Variants in CCDC25 observed in about 807,000 individuals in gnomAD.
CCDC25 encodes coiled-coil domain-containing protein 25.
Under a neutral mutation model 35.3 loss-of-function variants are expected in CCDC25, and 16 were observed. That is an observed-to-expected ratio of 0.45 (90% confidence interval 0.31 to 0.69). The LOEUF is 0.69. Ranked by LOEUF, CCDC25 falls within the 30% of genes least tolerant of loss-of-function variation. The pLI, the probability that CCDC25 is intolerant of heterozygous loss-of-function variation, is 0.06. For synonymous variants in CCDC25, 79 were observed against 80.3 expected, an observed-to-expected ratio of 0.98 and a Z score of 0.09; for missense variants, 179 against 250.7, an observed-to-expected ratio of 0.71 and a Z score of 1.93.
chr8:27,751,104 CTT>C (rs914009143), intron 5 of CCDC25, among the ~76,000 whole-genome samples: 19 of 152,212 alleles, frequency 1.2e-4, no homozygotes, highest in African/African-American at 4.3e-4. Context: ...CTTTGCTCCT[CTT>C]TGTTTTCTCT....
At position 27,736,411 on chromosome 8, in the gene CCDC25, C is replaced by CT. The variant is rs1803227090; in HGVS notation, c.598-167_598-166insA. Among the ~76,000 whole-genome samples the CT allele has an allele frequency of 2.0e-5, 3 of 152,212 alleles. No homozygotes were observed. In the South Asian group the frequency reaches 6.2e-4, roughly 31 times the overall value. ...CTTCTCCGCCTTAAGTTGTCAGTTTCCTGACATAGCTGAATTAACAGCTAT... is the reference window on the plus strand; with the variant it reads ...CTTCTCCGCCTTAAGTTGTCAGTTTCTCTGACATAGCTGAATTAACAGCTAT... On this transcript the variant is annotated intron_variant, in intron 8 of 8. Coordinates refer to ENST00000356537, the MANE Select transcript of CCDC25 (RefSeq NM_018246.3).
chr8:27,738,711 A>G (rs1305984248), intron 8 of CCDC25, among the ~76,000 whole-genome samples: 2 of 152,182 alleles, frequency 1.3e-5, no homozygotes, highest in Non-Finnish European at 2.9e-5. Flanking sequence ...TCATGAAATA[A>G]TATGGGGGCT....
chr8:27,743,114 G>C (rs1455407826), intron 7 of CCDC25, among the ~76,000 whole-genome samples: 2 of 152,098 alleles, frequency 1.3e-5, no homozygotes, highest in Non-Finnish European at 2.9e-5. Context: ...TAGCAACCTA[G>C]GAGTCATTCT....
chr8:27,737,873 T>TACACACACACACAC lies in CCDC25; in HGVS notation c.598-1629_598-1628insGTGTGTGTGTGTGT, dbSNP rs1205509698. ...GTGGATAAAGAAACTGTGGTGTGTG[T>TACACACACACACAC]ATACACACACTCACACACACACACA... is the stretch of plus-strand genomic sequence containing the variant. On this transcript the variant is annotated intron_variant, in intron 8 of 8. Transcript: ENST00000356537. The surrounding 1 kb of genome is among the most constrained non-coding windows in gnomAD (Gnocchi z 4.6). Among the ~76,000 whole-genome samples, 14 of 107,598 alleles carry TACACACACACACAC rather than the reference T, an allele frequency of 1.3e-4. No individual in the cohort carries two copies. Among genetic ancestry groups the TACACACACACACAC allele is most frequent in the African/African-American group, 5.1e-4 (13 of 25,534 alleles). The allele number at this position is 107,598 out of a possible 152,430, so 70.6% of individuals were successfully genotyped here.
chr8:27,748,293 A>G lies in CCDC25; in HGVS notation c.349-14T>C. On this transcript the variant is annotated splice_polypyrimidine_tract_variant and intron_variant, in intron 6 of 8. Transcript: ENST00000356537. ...CACAATTTTTACCTTTAAGGGAGAT[A>G]GGAGAAAAGATATTGCATCTTTTTG... is the stretch of plus-strand genomic sequence containing the variant. 1 of 1,604,356 alleles carries G rather than the reference A, an allele frequency of 6.2e-7. No homozygotes were observed. The highest frequency in any genetic ancestry group is 2.2e-5 in the East Asian group (1 of 44,836).
At chr8:27,753,100 G>A (rs965853104) in intron 4 of CCDC25, 1 of 67,334 alleles carries the variant, frequency 1.5e-5, no homozygotes, top group Non-Finnish European at 3.3e-5. Context: ...ACCATTCACT[G>A]TAAAGAAGAA....
Position 27,752,540 on chromosome 8 carries a change from G to A in CCDC25, c.216C>T (p.Ala72=), listed in dbSNP as rs778058964. The change falls in exon 5 of 9, where the codon GCC becomes GCT. Residue 72 remains alanine, a synonymous_variant. Coordinates refer to ENST00000356537, the MANE Select transcript of CCDC25 (RefSeq NM_018246.3). The part of the protein sequence containing the change: ...DIPKEVLMDC[A]HLVKANSIQG... ...GAATGCTATTGGCCTTCACAAGGTG[G>A]GCACAGTCCATCAGCACTTCCTTTG... The A allele has an allele frequency of 1.1e-5, 18 of 1,613,572 alleles. No homozygotes were observed. The highest frequency in any genetic ancestry group is 1.5e-5 in the Non-Finnish European group (18 of 1,179,696).
chr8:27,757,171 T>C (rs1804038332), intron 3 of CCDC25, among the ~76,000 whole-genome samples: 1 of 151,874 alleles, frequency 6.6e-6, no homozygotes, highest in South Asian at 2.1e-4. Flanking sequence ...GTGAAAAGAG[T>C]GGGGGATGAA....
chr8:27,761,923 T>TA (rs1804242206), intron 3 of CCDC25, among the ~76,000 whole-genome samples: 1 of 152,174 alleles, frequency 6.6e-6, no homozygotes, highest in Non-Finnish European at 1.5e-5. Context: ...ACAGTTCACA[T>TA]AAATTGTTTT....
chr8:27,751,329 A>G (rs550318194), intron 5 of CCDC25, among the ~76,000 whole-genome samples: 1 of 152,352 alleles, frequency 6.6e-6, no homozygotes, highest in Admixed American at 6.5e-5. Context: ...TGAAAATCTT[A>G]GAAAATTCTG....
rs1803182716 is a variant in CCDC25, at chr8:27,735,338, T to C, written c.*878A>G. The C allele has an allele frequency of 6.6e-6, 1 of 152,420 alleles. No homozygotes were observed. Among genetic ancestry groups the C allele is most frequent in the Non-Finnish European group, 1.5e-5 (1 of 68,040 alleles). The allele number at this position is 152,420 out of a possible 1,614,324, so 9.4% of individuals were successfully genotyped here. A position where few individuals can be genotyped will look rare whatever the true frequency, so the allele number is the denominator to read the frequency against. On this transcript the variant is annotated 3_prime_UTR_variant, in exon 9 of 9. Transcript: ENST00000356537. ...TCATTCTTGCTGCTGTGGGTGTGAG[T>C]AAAATGCTTAGTTCCTTCTAAAATC...
At chr8:27,750,362 A>T (rs1803756385) in intron 5 of CCDC25, among the ~76,000 whole-genome samples, 1 of 152,252 alleles carries the variant, frequency 6.6e-6, no homozygotes, top group South Asian at 2.1e-4. Context: ...CTTTAAGATC[A>T]GTTTCCTCCT....
In CCDC25 at chr8:27,734,604, A is replaced by G. The variant is rs1418144926; in HGVS notation, c.*1612T>C. The G allele has an allele frequency of 6.6e-6, 1 of 152,262 alleles. No individual in the cohort carries two copies. The highest frequency in any genetic ancestry group is 1.9e-4 in the East Asian group (1 of 5,208). 9.4% of individuals were successfully genotyped at this position (152,262 alleles called of 1,614,324 possible). ...GGAATCAACACAGAGCTATGAATTC[A>G]ACAAGAGAATTCAGCAGAGACCTGG... On this transcript the variant is annotated 3_prime_UTR_variant, in exon 9 of 9. Transcript: ENST00000356537.
chr8:27,746,973 A>G (rs1803624474), intron 7 of CCDC25, among the ~76,000 whole-genome samples: 1 of 152,206 alleles, frequency 6.6e-6, no homozygotes, highest in Non-Finnish European at 1.5e-5. Flanking sequence ...CACCATTTCC[A>G]AAGGCAATAT....
At position 27,737,917 on chromosome 8, in the gene CCDC25, G is replaced by A. The variant is rs1388252457; in HGVS notation, c.598-1672C>T. On this transcript the variant is annotated intron_variant, in intron 8 of 8. Coordinates refer to ENST00000356537, the MANE Select transcript of CCDC25 (RefSeq NM_018246.3). This position sits in a 1 kb window ranked among gnomAD's most constrained non-coding sequence, Gnocchi z 4.6. ...ACACACACACACACACACACACAAA[G>A]GAATACTATGCAGCTATAAAAAGGA... is the stretch of plus-strand genomic sequence containing the variant. Among the ~76,000 whole-genome samples the A allele has an allele frequency of 9.6e-6, 1 of 103,722 alleles. No individual in the cohort carries two copies. Among genetic ancestry groups the A allele is most frequent in the African/African-American group, 3.7e-5 (1 of 26,960 alleles). 68.0% of individuals were successfully genotyped at this position (103,722 alleles called of 152,430 possible).
At chr8:27,762,186 G>A (rs535429263) in intron 3 of CCDC25, among the ~76,000 whole-genome samples, 27 of 152,348 alleles carry the variant, frequency 1.8e-4, no homozygotes, top group African/African-American at 6.0e-4. Context: ...AGACAAAAAG[G>A]AGGAAAAAGA....
intron 7 of CCDC25, 41 bp from the exon 8 acceptor site, chr8:27,740,558 G>T (rs749763409): frequency 6.4e-7 from 1 of 1,553,660 alleles, no homozygotes; most frequent in South Asian, 1.1e-5. Flanking sequence ...AAAATATGGT[G>T]ATCCAGTCAA....
intron 3 of CCDC25, among the ~76,000 whole-genome samples, chr8:27,757,029 A>T (rs1037974128): frequency 2.3e-4 from 35 of 151,940 alleles, no homozygotes; most frequent in African/African-American, 8.2e-4. Flanking sequence ...TGTACTGGGA[A>T]GGGTGATTTT....
intron 7 of CCDC25, among the ~76,000 whole-genome samples, chr8:27,743,241 T>C (rs1218315832): frequency 6.6e-6 from 1 of 152,236 alleles, no homozygotes; most frequent in Non-Finnish European, 1.5e-5. Flanking sequence ...TATTCTAAGC[T>C]ACCATCTGTG....
Sources: gnomAD v4.1 joint callset for allele counts (sites outside exome capture counted in the v4.1 genomes callset) on GRCh38, gnomAD v4.1.1 for gene constraint, Gnocchi (gnomAD v3.1) non-coding constraint, MANE v1.5 for transcripts, NCBI Gene and HGNC (gene_info 2026-07-23, HGNC 2026-07-21) for gene names.